FGF7: variants seen among roughly 807,000 people sequenced by gnomAD.
FGF7 encodes FGF-7.
FGF7 carries 6 observed loss-of-function variants against 20.5 expected under a neutral mutation model. The ratio of observed to expected loss-of-function variants is 0.29; its 90% CI spans 0.16 to 0.58. The LOEUF (loss-of-function observed/expected upper bound fraction) is 0.58. FGF7 is among the 20% of genes least tolerant of loss of function. The pLI, the probability that FGF7 is intolerant of heterozygous loss-of-function variation, is 0.90. For missense variants in FGF7, 144 were observed against 228.8 expected, an observed-to-expected ratio of 0.63 and a Z score of 2.39; for synonymous variants, 64 against 74.7, an observed-to-expected ratio of 0.86 and a Z score of 0.74.
chr15:49,455,881 A>G (rs956081075), intron 2 of FGF7, among the ~76,000 whole-genome samples: 2 of 152,028 alleles, frequency 1.3e-5, no homozygotes, highest in African/African-American at 2.4e-5. Context: ...ACCCAGAAAT[A>G]TGCTCCTCTT....
At chr15:49,430,803 C>T (rs1268286283) in intron 2 of FGF7, among the ~76,000 whole-genome samples, 1 of 151,824 alleles carries the variant, frequency 6.6e-6, no homozygotes. Context: ...ATGGCCTAAT[C>T]ACCTCTCAAT....
At chr15:49,429,467 T>C (rs1192914612) in intron 2 of FGF7, among the ~76,000 whole-genome samples, 1 of 151,998 alleles carries the variant, frequency 6.6e-6, no homozygotes, top group Non-Finnish European at 1.5e-5. Flanking sequence ...CTTTTCTCTT[T>C]TGTAAATCCT....
At chr15:49,469,233 T>A (rs2054524769) in intron 2 of FGF7, among the ~76,000 whole-genome samples, 2 of 152,208 alleles carry the variant, frequency 1.3e-5, no homozygotes, top group South Asian at 4.1e-4. Flanking sequence ...TACTCTGTTT[T>A]CAAACATATT....
At chr15:49,478,148 T>C (rs189324647) in intron 2 of FGF7, among the ~76,000 whole-genome samples, 100 of 152,290 alleles carry the variant, frequency 6.6e-4, no homozygotes, top group Non-Finnish European at 1.3e-3. Flanking sequence ...TAGCTCCCAC[T>C]TATAAGGGAA....
At position 49,483,145 on chromosome 15, in the gene FGF7, T is replaced by C. The variant is rs1270913689; in HGVS notation, c.287-6T>C. ...ATTTGACATGTCTTTCTGTGATTCC[T>C]TGCAGATATCATGGAAATCAGGACA... On this transcript the variant is annotated splice_polypyrimidine_tract_variant and splice_region_variant and intron_variant, in intron 2 of 3. Coordinates refer to ENST00000267843, the MANE Select transcript of FGF7 (RefSeq NM_002009.4). 7 of 1,484,132 alleles carry C rather than the reference T, an allele frequency of 4.7e-6. No individual in the cohort carries two copies. Among genetic ancestry groups the C allele is most frequent in the Non-Finnish European group, 4.6e-6 (5 of 1,077,426 alleles). 91.9% of individuals were successfully genotyped at this position (1,484,132 alleles called of 1,614,324 possible).
At chr15:49,461,212 T>C (rs1322647296) in intron 2 of FGF7, among the ~76,000 whole-genome samples, 4 of 152,150 alleles carry the variant, frequency 2.6e-5, no homozygotes, top group African/African-American at 9.7e-5. Context: ...CCACTTAGAG[T>C]CTTCCTTGTC....
At chr15:49,457,958 A>G (rs2053463140) in intron 2 of FGF7, among the ~76,000 whole-genome samples, 1 of 151,950 alleles carries the variant, frequency 6.6e-6, no homozygotes, top group African/African-American at 2.4e-5. Flanking sequence ...GATGTTATTT[A>G]TCTTTCGTTA....
chr15:49,433,268 T>G (rs2050777471), intron 2 of FGF7, among the ~76,000 whole-genome samples: 1 of 151,614 alleles, frequency 6.6e-6, no homozygotes, highest in Non-Finnish European at 1.5e-5. Flanking sequence ...TTATGATTCT[T>G]TCTGTTTGCA....
At chr15:49,467,789 A>G (rs560196323) in intron 2 of FGF7, among the ~76,000 whole-genome samples, 30 of 152,268 alleles carry the variant, frequency 2.0e-4, no homozygotes, top group African/African-American at 7.2e-4. Context: ...TGATTCAGGG[A>G]ATATATCTTC....
chr15:49,452,742 A>G (rs1226834872), intron 2 of FGF7, among the ~76,000 whole-genome samples: 34 of 152,170 alleles, frequency 2.2e-4, no homozygotes, highest in Non-Finnish European at 5.9e-5. Flanking sequence ...CTGAGATAGT[A>G]TCTAATCTAT....
chr15:49,475,592 TTATTA>T (rs1379527318), intron 2 of FGF7, among the ~76,000 whole-genome samples: 1 of 145,904 alleles, frequency 6.9e-6, no homozygotes, highest in African/African-American at 2.6e-5. Context: ...TATGCTAACT[TTATTA>T]TTTATTAAAT....
At position 49,487,848 on chromosome 15, in the gene FGF7, T is replaced by C. The variant is rs559174979; in HGVS notation, c.*3344T>C. 2.4e-4 allele frequency: 36 copies of C among 152,048 alleles called. No homozygotes were observed. Among genetic ancestry groups the C allele is most frequent in the East Asian group, 1.2e-3 (6 of 5,182 alleles). The allele number at this position is 152,048 out of a possible 1,614,324, so 9.4% of individuals were successfully genotyped here. On this transcript the variant is annotated 3_prime_UTR_variant, in exon 4 of 4. Coordinates refer to ENST00000267843, the MANE Select transcript of FGF7 (RefSeq NM_002009.4). ...TGCAATTAAACACCAGTAAGCAAAA[T>C]TGATACATCAGAATGACTTGCAGGG... is the stretch of plus-strand genomic sequence containing the variant.
At chr15:49,463,616 A>G (rs145521945) in intron 2 of FGF7, among the ~76,000 whole-genome samples, 193 of 151,550 alleles carry the variant, frequency 1.3e-3, no homozygotes, top group African/African-American at 4.5e-3. Context: ...AGCCCTGCCT[A>G]TATTTCTTAT....
intron 2 of FGF7, among the ~76,000 whole-genome samples, chr15:49,468,174 T>C (rs1199795893): frequency 6.6e-6 from 1 of 152,164 alleles, no homozygotes; most frequent in African/African-American, 2.4e-5. Context: ...AGACATGTCA[T>C]TTAAATGGTT....
intron 2 of FGF7, among the ~76,000 whole-genome samples, chr15:49,458,839 T>TC (rs925548985): frequency 6.6e-6 from 1 of 151,990 alleles, no homozygotes; most frequent in East Asian, 1.9e-4. Context: ...TCAAAGTATT[T>TC]CCCCCCTGCA....
At chr15:49,483,018 T>C (rs1265679909) in intron 2 of FGF7, 133 bp from the exon 3 acceptor site, 9 of 676,346 alleles carry the variant, frequency 1.3e-5, no homozygotes, top group Non-Finnish European at 2.1e-5. Flanking sequence ...TCAGGGGTCT[T>C]GGGCTGAGTA....
intron 2 of FGF7, among the ~76,000 whole-genome samples, chr15:49,461,934 C>T (rs909832925): frequency 3.3e-5 from 5 of 152,176 alleles, no homozygotes; most frequent in African/African-American, 1.2e-4. Context: ...CTTTGGGAGG[C>T]CGAAGCAGGC....
At chr15:49,464,820 C>T (rs2054119442) in intron 2 of FGF7, among the ~76,000 whole-genome samples, 1 of 152,162 alleles carries the variant, frequency 6.6e-6, no homozygotes, top group African/African-American at 2.4e-5. Flanking sequence ...TGCCATTCTC[C>T]TTGCTTAGCG....
intron 2 of FGF7, among the ~76,000 whole-genome samples, chr15:49,480,624 G>A (rs2055854826): frequency 6.6e-6 from 1 of 152,022 alleles, no homozygotes; most frequent in African/African-American, 2.4e-5. Flanking sequence ...TGGGATTACA[G>A]GCACCCGCCA....
Sources: gnomAD v4.1 joint callset for allele counts (sites outside exome capture counted in the v4.1 genomes callset) on GRCh38, gnomAD v4.1.1 for gene constraint, MANE v1.5 for transcripts, NCBI Gene and HGNC (gene_info 2026-07-23, HGNC 2026-07-21) for gene names.